ETFDH: variants seen among roughly 807,000 people sequenced by gnomAD.
The protein encoded by ETFDH is electron transfer flavoprotein-ubiquinone oxidoreductase, mitochondrial.
A neutral mutation model predicts 73.2 loss-of-function variants in ETFDH; 61 were observed. The ratio of observed to expected loss-of-function variants is 0.83; its 90% CI spans 0.68 to 1.03. The LOEUF (loss-of-function observed/expected upper bound fraction) is 1.03. Ranked by LOEUF, ETFDH falls within the 50% of genes least tolerant of loss-of-function variation. ETFDH has a pLI of 0.00. For synonymous variants in ETFDH, 243 were observed against 253.3 expected, an observed-to-expected ratio of 0.96 and a Z score of 0.39; for missense variants, 685 against 745.0, an observed-to-expected ratio of 0.92 and a Z score of 0.94.
chr4:158,694,782 T>C (rs1028389065), intron 6 of ETFDH, among the ~76,000 whole-genome samples: 2 of 151,976 alleles, frequency 1.3e-5, no homozygotes, highest in African/African-American at 4.8e-5. Context: ...ATATCAATTT[T>C]AAAAAAATAG....
At position 158,684,570 on chromosome 4, in the gene ETFDH, C is replaced by A. The variant is rs767620024; in HGVS notation, c.406-22C>A. Reference sequence around the variant, plus strand: ...TTGCAAATATAAACTAAAAACATTTCTTTTTCTTCTTTTATTTCTAGGCTC... The same window carrying A: ...TTGCAAATATAAACTAAAAACATTTATTTTTCTTCTTTTATTTCTAGGCTC... On this transcript the variant is annotated intron_variant, in intron 3 of 12. Coordinates refer to ENST00000511912, the MANE Select transcript of ETFDH (RefSeq NM_004453.4). 4 of 1,339,848 alleles carry A rather than the reference C, an allele frequency of 3.0e-6. No homozygotes were observed. The South Asian group carries it at 3.5e-5, about 12-fold the overall frequency. The allele number at this position is 1,339,848 out of a possible 1,614,324, so 83.0% of individuals were successfully genotyped here.
intron 3 of ETFDH, among the ~76,000 whole-genome samples, chr4:158,683,121 A>C (rs2150305623): frequency 6.6e-6 from 1 of 152,348 alleles, no homozygotes; most frequent in South Asian, 2.1e-4. Context: ...AGGATAACCT[A>C]ATTTTCTGAA....
At chr4:158,675,991 T>A (rs1335658963) in intron 1 of ETFDH, among the ~76,000 whole-genome samples, 2 of 152,134 alleles carry the variant, frequency 1.3e-5, no homozygotes, top group Non-Finnish European at 1.5e-5. Context: ...TGCTAACTCT[T>A]GTTATTGAAA....
chr4:158,679,352 G>T (rs981673162), intron 1 of ETFDH: 2 of 152,100 alleles, frequency 1.3e-5, no homozygotes, highest in Non-Finnish European at 2.9e-5. Context: ...AGAAGGGATG[G>T]TATCAGATGG....
chr4:158,676,998 A>G (rs1036981231), intron 1 of ETFDH, among the ~76,000 whole-genome samples: 2 of 152,120 alleles, frequency 1.3e-5, no homozygotes, highest in African/African-American at 4.8e-5. Context: ...CTCCCATTCC[A>G]CGGGCTATCT....
intron 1 of ETFDH, 68 bp downstream of exon 1, chr4:158,672,558 G>A: frequency 6.8e-7 from 1 of 1,476,640 alleles, no homozygotes; most frequent in South Asian, 1.1e-5. Context: ...CGGTCCTGGG[G>A]GCTGTAGGCA....
At chr4:158,690,937 T>C (rs1774149182) in intron 6 of ETFDH, among the ~76,000 whole-genome samples, 1 of 152,118 alleles carries the variant, frequency 6.6e-6, no homozygotes, top group African/African-American at 2.4e-5. Flanking sequence ...ATGTGGGTGT[T>C]AGAATACAGT....
At chr4:158,678,166 A>T (rs28876106) in intron 1 of ETFDH, among the ~76,000 whole-genome samples, 2 of 152,252 alleles carry the variant, frequency 1.3e-5, no homozygotes, top group Non-Finnish European at 2.9e-5. Context: ...AAAGTTAATT[A>T]AACTACAGAT....
chr4:158,682,271 T>A lies in ETFDH; in HGVS notation c.252T>A (p.Ala84=), dbSNP rs1199350513. Residue 84 remains alanine, a synonymous_variant, in exon 3 of 13, where the codon GCT becomes GCA. Coordinates refer to ENST00000511912, the MANE Select transcript of ETFDH (RefSeq NM_004453.4). The part of the protein sequence containing the change: ...VGAGPAGLSA[A]VRLKQLAVAH... ...CAGGCCCTGCAGGGCTCTCTGCAGCTGTTCGTCTAAAACAGTTGGCTGTGG... is the reference window on the plus strand; with the variant it reads ...CAGGCCCTGCAGGGCTCTCTGCAGCAGTTCGTCTAAAACAGTTGGCTGTGG... 1 of 1,614,210 alleles carries A rather than the reference T, an allele frequency of 6.2e-7. No individual in the cohort carries two copies. Among genetic ancestry groups the A allele is most frequent in the Non-Finnish European group, 8.5e-7 (1 of 1,180,030 alleles).
At chr4:158,677,511 G>A (rs952679639) in intron 1 of ETFDH, among the ~76,000 whole-genome samples, 10 of 152,180 alleles carry the variant, frequency 6.6e-5, no homozygotes, top group Non-Finnish European at 1.5e-4. Flanking sequence ...GGCCTAGAAA[G>A]GGAAGAGAAT....
chr4:158,708,048 A>G (rs1214832523), intron 12 of ETFDH, among the ~76,000 whole-genome samples: 7 of 152,158 alleles, frequency 4.6e-5, no homozygotes, highest in African/African-American at 9.7e-5. Context: ...GGATCTTGGA[A>G]CTTGTCCCCT....
chr4:158,704,139 A>G (rs972197087), intron 10 of ETFDH, among the ~76,000 whole-genome samples: 3 of 152,246 alleles, frequency 2.0e-5, no homozygotes, highest in Admixed American at 6.5e-5. Context: ...TGTCCCACCT[A>G]GTTAGAAACT....
chr4:158,682,882 A>T (rs998685743), intron 3 of ETFDH, among the ~76,000 whole-genome samples: 3 of 152,164 alleles, frequency 2.0e-5, no homozygotes, highest in Non-Finnish European at 1.5e-5. Context: ...TTAAAAAAAA[A>T]TTTATATCAG....
chr4:158,675,660 T>A (rs1773693805), intron 1 of ETFDH, among the ~76,000 whole-genome samples: 1 of 151,886 alleles, frequency 6.6e-6, no homozygotes. Flanking sequence ...CCCTAGCTAC[T>A]CAGGAGGCTG....
At chr4:158,678,107 T>C (rs974507130) in intron 1 of ETFDH, among the ~76,000 whole-genome samples, 1 of 152,252 alleles carries the variant, frequency 6.6e-6, no homozygotes, top group Non-Finnish European at 1.5e-5. Flanking sequence ...TCATGTCTTA[T>C]GTAACCATAG....
chr4:158,706,690 C>A lies in ETFDH; in HGVS notation c.1530C>A (p.Pro510=). 2.5e-6 allele frequency: 4 copies of A among 1,614,024 alleles called. No individual in the cohort carries two copies. The highest frequency in any genetic ancestry group is 3.4e-6 in the Non-Finnish European group (4 of 1,179,966). Reference sequence around the variant, plus strand: ...GCACACCTATTGAGTATCCAAAACCCGATGGACAGATCAGTTTTGACCTCT... The same window carrying A: ...GCACACCTATTGAGTATCCAAAACCAGATGGACAGATCAGTTTTGACCTCT... ...KDCTPIEYPK[P]DGQISFDLLS... The change falls in exon 12 of 13, where the codon CCC becomes CCA. Residue 510 remains proline (P), a synonymous_variant. Coordinates refer to ENST00000511912, the MANE Select transcript of ETFDH (RefSeq NM_004453.4).
chr4:158,676,976 T>G (rs1447529612), intron 1 of ETFDH, among the ~76,000 whole-genome samples: 1 of 152,280 alleles, frequency 6.6e-6, no homozygotes, highest in Non-Finnish European at 1.5e-5. Context: ...ATATATGATT[T>G]GAAAATATTT....
In ETFDH at chr4:158,680,522, T is replaced by C. The variant is rs1773825695; in HGVS notation, c.90T>C (p.Ala30=). The C allele has an allele frequency of 6.2e-7, 1 of 1,600,306 alleles. No homozygotes were observed. Among genetic ancestry groups the C allele is most frequent in the Non-Finnish European group, 8.6e-7 (1 of 1,167,434 alleles). ...KIKKNYLPLC[A]TRWSSTSTVP... is the part of the protein sequence containing the mutation. ...AGAAAAATTATCTACCTCTATGTGC[T>C]ACAAGATGGTCTTCAACTTCTACTG... The change falls in exon 2 of 13, where the codon GCT becomes GCC. Residue 30 remains alanine, a synonymous_variant. Coordinates refer to ENST00000511912, the MANE Select transcript of ETFDH (RefSeq NM_004453.4).
At chr4:158,674,269 T>C (rs1381089118) in intron 1 of ETFDH, among the ~76,000 whole-genome samples, 1 of 152,196 alleles carries the variant, frequency 6.6e-6, no homozygotes, top group Non-Finnish European at 1.5e-5. Context: ...GGTGAATAGT[T>C]ATCTAAGGCT....
Sources: gnomAD v4.1 joint callset for allele counts (sites outside exome capture counted in the v4.1 genomes callset) on GRCh38, gnomAD v4.1.1 for gene constraint, MANE v1.5 for transcripts, NCBI Gene and HGNC (gene_info 2026-07-23, HGNC 2026-07-21) for gene names.